Variants in BLTP3B observed in about 807,000 individuals in gnomAD.
BLTP3B encodes UHRF1 (ICBP90) binding protein 1-like.
At chr12:100,048,802 G>C in the BLTP3B span, among the ~76,000 whole-genome samples, 1 of 151,200 alleles carries the variant, frequency 6.6e-6, no homozygotes, top group African/African-American at 2.4e-5. Context: ...GTGTGTGTGT[G>C]TGTGTGTGTA....
chr12:100,050,229 C>T, the BLTP3B span: 3 of 1,610,528 alleles, frequency 1.9e-6, no homozygotes, highest in Non-Finnish European at 2.5e-6. Context: ...CTGGTGTCAC[C>T]TGGTTCACTT....
chr12:100,037,629 A>ACT, the BLTP3B span: 1 of 1,607,086 alleles, frequency 6.2e-7, no homozygotes, highest in Non-Finnish European at 8.5e-7. Context: ...TTTGACTGCC[A>ACT]CTCCTGCTAT....
the BLTP3B span, among the ~76,000 whole-genome samples, chr12:100,044,745 C>T: frequency 3.3e-5 from 5 of 152,128 alleles, no homozygotes; most frequent in African/African-American, 1.2e-4. Context: ...GAAGTTCTGG[C>T]CAGGGCAATC....
At chr12:100,057,784 G>A in the BLTP3B span, 1 of 1,515,260 alleles carries the variant, frequency 6.6e-7, no homozygotes, top group Non-Finnish European at 8.8e-7. Flanking sequence ...TACATATAGA[G>A]AAAAGAATTC....
chr12:100,135,281 C>CTTTTTTTTTTTTTTTTTTTTTTTTTTTT, the BLTP3B span, among the ~76,000 whole-genome samples: 2 of 141,226 alleles, frequency 1.4e-5, no homozygotes, highest in Non-Finnish European at 1.5e-5. Flanking sequence ...TTCTTTCTTT[C>CTTTTTTTTTTTTTTTTTTTTTTTTTTTT]TTTTTTTTTT....
chr12:100,037,645 T>C, the BLTP3B span: 4 of 1,608,666 alleles, frequency 2.5e-6, no homozygotes, highest in East Asian at 2.2e-5. Flanking sequence ...GCTATTCAAC[T>C]GTCATCTTCT....
the BLTP3B span, among the ~76,000 whole-genome samples, chr12:100,135,866 A>C: frequency 3.3e-5 from 5 of 152,182 alleles, no homozygotes; most frequent in Non-Finnish European, 7.4e-5. Flanking sequence ...TATTTTAAAT[A>C]AGCAACTAGT....
the BLTP3B span, chr12:100,058,281 T>C: frequency 6.2e-7 from 1 of 1,613,882 alleles, no homozygotes; most frequent in South Asian, 1.1e-5. Flanking sequence ...TGAATCCTTT[T>C]TGTCACTTGT....
chr12:100,097,402 G>A, the BLTP3B span: 1 of 1,613,050 alleles, frequency 6.2e-7, no homozygotes, highest in Non-Finnish European at 8.5e-7. Context: ...TGATTGGTTG[G>A]TTATTAATCG....
chr12:100,085,085 T>C, the BLTP3B span, among the ~76,000 whole-genome samples: 1 of 152,196 alleles, frequency 6.6e-6, no homozygotes, highest in Non-Finnish European at 1.5e-5. Context: ...ATGATGATGA[T>C]TAAAACATTT....
At chr12:100,111,599 TTTTG>T in the BLTP3B span, among the ~76,000 whole-genome samples, 25 of 152,018 alleles carry the variant, frequency 1.6e-4, no homozygotes, top group African/African-American at 2.7e-4. Flanking sequence ...TTTTGTTTTT[TTTTG>T]TTTGTTTGTT....
At chr12:100,139,317 A>G in the BLTP3B span, among the ~76,000 whole-genome samples, 17 of 152,222 alleles carry the variant, frequency 1.1e-4, no homozygotes, top group Non-Finnish European at 1.2e-4. Flanking sequence ...CCAACATACC[A>G]GCTTCTCAAG....
At chr12:100,056,930 C>T in the BLTP3B span, among the ~76,000 whole-genome samples, 10 of 152,108 alleles carry the variant, frequency 6.6e-5, no homozygotes. Flanking sequence ...GCCCATGCTT[C>T]TAATTCCTGT....
At chr12:100,086,199 T>C in the BLTP3B span, 2 of 956,722 alleles carry the variant, frequency 2.1e-6, no homozygotes, top group Non-Finnish European at 2.9e-6. Context: ...AAAAGCAAGA[T>C]AAAACTAAAC....
At chr12:100,128,448 T>G in the BLTP3B span, 3 of 674,688 alleles carry the variant, frequency 4.4e-6, no homozygotes, top group Non-Finnish European at 5.8e-6. Context: ...AGCTACATAG[T>G]AAAGAAAATG....
chr12:100,130,978 G>GAGAGA, the BLTP3B span, among the ~76,000 whole-genome samples: 2 of 31,172 alleles, frequency 6.4e-5, no homozygotes, highest in Admixed American at 4.0e-4. Context: ...AGAGAGAGAG[G>GAGAGA]GAGGGAGAGA....
the BLTP3B span, among the ~76,000 whole-genome samples, chr12:100,045,829 T>C: frequency 6.6e-6 from 1 of 152,200 alleles, no homozygotes; most frequent in African/African-American, 2.4e-5. Flanking sequence ...AGTCTACTCA[T>C]CTGACAAAGG....
chr12:100,087,752 T>C, the BLTP3B span, among the ~76,000 whole-genome samples: 1 of 152,254 alleles, frequency 6.6e-6, no homozygotes, highest in Non-Finnish European at 1.5e-5. Flanking sequence ...GAAAAGGTTT[T>C]CTTCCTAAAT....
the BLTP3B span, chr12:100,037,575 A>G: frequency 1.9e-6 from 3 of 1,574,484 alleles, no homozygotes; most frequent in Non-Finnish European, 1.7e-6. Flanking sequence ...GGTAACATCC[A>G]CATTATAAAT....
Sources: gnomAD v4.1 joint callset for allele counts (sites outside exome capture counted in the v4.1 genomes callset) on GRCh38, gnomAD v4.1.1 for gene constraint, MANE v1.5 for transcripts, NCBI Gene and HGNC (gene_info 2026-07-23, HGNC 2026-07-21) for gene names.